ASB1: variants seen among roughly 807,000 people sequenced by gnomAD.
ASB1 encodes the protein ankyrin repeat and SOCS box protein 1.
Under a neutral mutation model 27.7 loss-of-function variants are expected in ASB1, and 18 were observed. The ratio of observed to expected loss-of-function variants is 0.65; its 90% confidence interval spans 0.45 to 0.96. ASB1 has a LOEUF of 0.96. Ranked by LOEUF, ASB1 falls within the 50% of genes least tolerant of loss-of-function variation. ASB1 has a pLI of 0.00. For missense variants in ASB1, 397 were observed against 451.7 expected, an observed-to-expected ratio of 0.88 and a Z score of 1.10; for synonymous variants, 189 against 187.6, an observed-to-expected ratio of 1.01 and a Z score of -0.06.
In ASB1 at chr2:238,451,794, T is replaced by G. The variant is rs989952536; in HGVS notation, c.*5283T>G. 3 of 152,638 alleles carry G rather than the reference T, an allele frequency of 2.0e-5. No homozygotes were observed. Among genetic ancestry groups the G allele is most frequent in the African/African-American group, 4.8e-5 (2 of 41,434 alleles). 9.5% of individuals were successfully genotyped at this position (152,638 alleles called of 1,614,324 possible). ...CTGTTTATTTCAACAGGTGGAAGTGTTGGTCGTGCGAAATCTTGGTATTCG... is the reference window on the plus strand; with the variant it reads ...CTGTTTATTTCAACAGGTGGAAGTGGTGGTCGTGCGAAATCTTGGTATTCG... On this transcript the variant is annotated 3_prime_UTR_variant, in exon 5 of 5. Transcript: ENST00000264607.
intron 1 of ASB1, among the ~76,000 whole-genome samples, chr2:238,432,735 ATTTTCTTTTTTCT>A (rs896682318): frequency 2.6e-5 from 4 of 151,296 alleles, no homozygotes; most frequent in African/African-American, 9.7e-5. Flanking sequence ...ATCTGCTGAT[ATTTTCTTTTTTCT>A]TTTTCTTTTT....
intron 3 of ASB1, 49 bp from the exon 4 acceptor site, chr2:238,444,293 G>A: frequency 1.3e-6 from 2 of 1,546,580 alleles, no homozygotes; most frequent in Admixed American, 1.8e-5. Context: ...GGATCTGTGG[G>A]CTGTGGTCAG....
intron 3 of ASB1, among the ~76,000 whole-genome samples, chr2:238,442,217 G>A (rs565904698): frequency 1.3e-5 from 2 of 151,384 alleles, no homozygotes; most frequent in East Asian, 3.9e-4. Context: ...CTCCCGGGTT[G>A]AAGCAATTCT....
In ASB1 at chr2:238,435,659, C is replaced by T. The variant is rs549047162; in HGVS notation, c.192-52C>T. ...CCAGGGTGAGGGGGGCAGTGCAGCC[C>T]GTCCCTGTCCTGCGGCTGCCTCTCA... On this transcript the variant is annotated intron_variant, in intron 2 of 4. Coordinates refer to ENST00000264607, the MANE Select transcript of ASB1 (RefSeq NM_001040445.3). 180 of 1,544,526 alleles carry T rather than the reference C, an allele frequency of 1.2e-4. No homozygotes were observed. In the African/African-American group the frequency reaches 2.1e-3, roughly 18 times the overall value.
chr2:238,438,085 T>G (rs771247612), intron 3 of ASB1, among the ~76,000 whole-genome samples: 7 of 152,150 alleles, frequency 4.6e-5, no homozygotes, highest in Non-Finnish European at 1.0e-4. Context: ...GATCAATCAG[T>G]GAAATTCCAT....
intron 1 of ASB1, among the ~76,000 whole-genome samples, chr2:238,432,478 A>G (rs903948807): frequency 2.0e-5 from 3 of 152,136 alleles, no homozygotes; most frequent in Non-Finnish European, 2.9e-5. Flanking sequence ...GGACTTCTCT[A>G]TGGTCAAGTG....
In ASB1 at chr2:238,427,065, G is replaced by A. The variant is rs1378503813; in HGVS notation, c.-6G>A. 6.3e-6 allele frequency: 8 copies of A among 1,261,620 alleles called. No individual in the cohort carries two copies. The Admixed American group carries it at 1.7e-4, about 26-fold the overall frequency. The allele number at this position is 1,261,620 out of a possible 1,614,324, so 78.2% of individuals were successfully genotyped here. A position where few individuals can be genotyped will look rare whatever the true frequency, so the allele number is the denominator to read the frequency against. On this transcript the variant is annotated 5_prime_UTR_variant, in exon 1 of 5. Transcript: ENST00000264607. ...GTCAGGGGCGGCCGCGGAGGCGGAA[G>A]CATCCATGGCGGAGGGCGGCAGCCC... is the stretch of plus-strand genomic sequence containing the variant.
Position 238,442,121 on chromosome 2 carries a change from A to AT in ASB1, c.495-2203dup, listed in dbSNP as rs55633528. 6.6e-3 allele frequency among the ~76,000 whole-genome samples: 937 copies of AT among 142,002 alleles called. 1 individual carries two copies. Among genetic ancestry groups the AT allele is most frequent in the East Asian group, 9.4e-3 (46 of 4,892 alleles). 93.2% of individuals were successfully genotyped at this position (142,002 alleles called of 152,430 possible). On this transcript the variant is annotated intron_variant, in intron 3 of 4. Coordinates refer to ENST00000264607, the MANE Select transcript of ASB1 (RefSeq NM_001040445.3). ...CATTTGTAGCTGTCCATCTCTCTAA[A>AT]TTTTTTTTTTTTTTTTTTGAGATGA...
intron 3 of ASB1, among the ~76,000 whole-genome samples, chr2:238,442,613 A>G (rs1219333859): frequency 1.3e-5 from 2 of 151,966 alleles, no homozygotes; most frequent in Non-Finnish European, 2.9e-5. Flanking sequence ...TTATTTGTGG[A>G]TTTTGTGTCA....
In ASB1 at chr2:238,444,682, A is replaced by G; in HGVS notation, c.835A>G (p.Arg279Gly). The stretch of plus-strand genomic sequence containing the variant: ...GCTGGGCCCAGAGTCGAGAGGAAGA[A>G]GAAAAGTGGACCCTGAGGCCTTGCA... ...ESLGPESRGRRKVDPEALQVF... is the reference protein window; with the variant it reads ...ESLGPESRGRGKVDPEALQVF... Residue 279 changes from arginine (R) to glycine (G), a missense_variant, in exon 4 of 5, where the codon AGA becomes GGA. Arg to Gly is a moderately radical substitution (Grantham distance 125, BLOSUM62 -2). Transcript: ENST00000264607. 3 of 1,614,076 alleles carry G rather than the reference A, an allele frequency of 1.9e-6. No homozygotes were observed. Among genetic ancestry groups the G allele is most frequent in the South Asian group, 1.1e-5 (1 of 91,084 alleles).
intron 1 of ASB1, among the ~76,000 whole-genome samples, chr2:238,431,765 G>A (rs1701875000): frequency 2.0e-5 from 3 of 152,326 alleles, no homozygotes; most frequent in Admixed American, 1.3e-4. Flanking sequence ...GGAGCAGCTG[G>A]TTGGTGGAGC....
rs73091001 is a variant in ASB1, at chr2:238,438,199, A to T, written c.494+2186A>T. 7.1e-3 allele frequency among the ~76,000 whole-genome samples: 700 copies of T among 98,150 alleles called. 23 individuals are homozygous for T. Among genetic ancestry groups the T allele is most frequent in the African/African-American group, 0.022 (535 of 24,398 alleles). The allele number at this position is 98,150 out of a possible 152,430, so 64.4% of individuals were successfully genotyped here. The stretch of plus-strand genomic sequence containing the variant: ...AGAAGTACATATACAGATGCCCTTC[A>T]TTTTTTTTTTTTTTTTTTGAGACGG... On this transcript the variant is annotated intron_variant, in intron 3 of 4. Coordinates refer to ENST00000264607, the MANE Select transcript of ASB1 (RefSeq NM_001040445.3).
At chr2:238,429,048 C>T (rs1050454937) in intron 1 of ASB1, among the ~76,000 whole-genome samples, 1 of 152,132 alleles carries the variant, frequency 6.6e-6, no homozygotes, top group Non-Finnish European at 1.5e-5. Context: ...TGATCTGCGG[C>T]GAGTCTGGTT....
At chr2:238,429,933 G>A (rs1172287438) in intron 1 of ASB1, among the ~76,000 whole-genome samples, 8 of 87,038 alleles carry the variant, frequency 9.2e-5, no homozygotes, top group East Asian at 5.1e-4. Flanking sequence ...GTGAGACTCC[G>A]TCTCAAAAAA....
In ASB1 at chr2:238,446,489, A is replaced by G; in HGVS notation, c.986A>G (p.Lys329Arg). 1 of 1,614,118 alleles carries G rather than the reference A, an allele frequency of 6.2e-7. No individual in the cohort carries two copies. The highest frequency in any genetic ancestry group is 8.5e-7 in the Non-Finnish European group (1 of 1,180,018). ...IPSLPLPDPI[K>R]KFLLHE ...TCGCTGCCTCTGCCAGACCCCATAA[A>G]GAAGTTTCTACTCCATGAGTAGACT... Residue 329 changes from lysine (K) to arginine (R), a missense_variant, in exon 5 of 5, where the codon AAG becomes AGG. Physicochemically the swap from Lys to Arg is conservative, Grantham distance 26 (BLOSUM62 2). Transcript: ENST00000264607.
Position 238,446,839 on chromosome 2 carries a change from C to G in ASB1, c.*328C>G, listed in dbSNP as rs1295102707. On this transcript the variant is annotated 3_prime_UTR_variant, in exon 5 of 5. Coordinates refer to ENST00000264607, the MANE Select transcript of ASB1 (RefSeq NM_001040445.3). ...TACTAATTTCCCTGTAGGGAAGACT[C>G]CCAGCACTTCTGGAACTGTGCTTCT... The G allele has an allele frequency of 3.8e-6, 1 of 262,524 alleles. No individual in the cohort carries two copies. The highest frequency in any genetic ancestry group is 7.3e-6 in the Non-Finnish European group (1 of 137,536). The allele number at this position is 262,524 out of a possible 1,614,324, so 16.3% of individuals were successfully genotyped here. A position where few individuals can be genotyped will look rare whatever the true frequency, so the allele number is the denominator to read the frequency against.
At chr2:238,440,723 A>G (rs1702063477) in intron 3 of ASB1, among the ~76,000 whole-genome samples, 1 of 152,212 alleles carries the variant, frequency 6.6e-6, no homozygotes, top group Admixed American at 6.5e-5. Flanking sequence ...AGAGAGCCGT[A>G]TATTTGGTCA....
chr2:238,447,991 C>T lies in ASB1; in HGVS notation c.*1480C>T, dbSNP rs1371793559. 6.6e-6 allele frequency: 1 copy of T among 152,292 alleles called. No individual in the cohort carries two copies. The highest frequency in any genetic ancestry group is 1.5e-5 in the Non-Finnish European group (1 of 68,086). The allele number at this position is 152,292 out of a possible 1,614,324, so 9.4% of individuals were successfully genotyped here. ...GCAGATGCAGTTCCGAAGGGAAGAA[C>T]AGTCCTCGGGTGATTCAGAGGGGAA... On this transcript the variant is annotated 3_prime_UTR_variant, in exon 5 of 5. Coordinates refer to ENST00000264607, the MANE Select transcript of ASB1 (RefSeq NM_001040445.3).
chr2:238,436,771 TC>T (rs1701980788), intron 3 of ASB1, among the ~76,000 whole-genome samples: 2 of 140,848 alleles, frequency 1.4e-5, no homozygotes, highest in African/African-American at 6.2e-5. Context: ...GCACTCTCTC[TC>T]TCTTTTTTTT....
Sources: gnomAD v4.1 joint callset for allele counts (sites outside exome capture counted in the v4.1 genomes callset) on GRCh38, gnomAD v4.1.1 for gene constraint, MANE v1.5 for transcripts, NCBI Gene and HGNC (gene_info 2026-07-23, HGNC 2026-07-21) for gene names.